ALG10B: variants seen among roughly 807,000 people sequenced by gnomAD.
ALG10B encodes ALG10 alpha-1,2-glucosyltransferase B, also known as dol-P-Glc:Glc(2)Man(9)GlcNAc(2)-PP-Dol alpha-1,2-glucosyltransferase B.
A neutral mutation model predicts 38.7 loss-of-function variants in ALG10B; 27 were observed. That is an observed-to-expected ratio of 0.70 (90% CI 0.51 to 0.96). The LOEUF is 0.96. Ranked by LOEUF, ALG10B falls within the 40% of genes least tolerant of loss-of-function variation. The pLI, the probability that ALG10B is intolerant of heterozygous loss-of-function variation, is 0.00. For missense variants in ALG10B, 522 were observed against 542.7 expected (o/e 0.96, Z 0.38); for synonymous variants, 177 against 193.3 (o/e 0.92, Z 0.70).
chr12:38,319,295 G>C (rs2120487646), intron 2 of ALG10B, among the ~76,000 whole-genome samples: 1 of 152,166 alleles, frequency 6.6e-6, no homozygotes, highest in South Asian at 2.1e-4. Context: ...ATTAATCCTG[G>C]GGAGACAAAC....
rs1230248691 is a variant in ALG10B at position 38,321,399 on chromosome 12, T to C, written c.*186T>C. On this transcript the variant is annotated 3_prime_UTR_variant, in exon 3 of 3. Coordinates refer to ENST00000308742, the MANE Select transcript of ALG10B (RefSeq NM_001013620.4). ...TTAAGTGGCAAAGAACTGGGAAAGC[T>C]TAAGACCTGCTTCAAAAGCCTGAAT... The C allele has an allele frequency of 1.9e-6, 1 of 522,902 alleles. No individual in the cohort carries two copies. The highest frequency in any genetic ancestry group is 2.0e-5 in the African/African-American group (1 of 50,962). 32.4% of individuals were successfully genotyped at this position (522,902 alleles called of 1,614,324 possible). A position where few individuals can be genotyped will look rare whatever the true frequency, so the allele number is the denominator to read the frequency against.
rs145570686 is a variant in ALG10B, at chr12:38,320,559, C to T, written c.768C>T (p.Pro256=). 3.7e-6 allele frequency: 6 copies of T among 1,613,968 alleles called. No individual in the cohort carries two copies. The highest frequency in any genetic ancestry group is 5.1e-6 in the Non-Finnish European group (6 of 1,180,000). The change falls in exon 3 of 3, where the codon CCC becomes CCT. Residue 256 remains proline, a synonymous_variant. Coordinates refer to ENST00000308742, the MANE Select transcript of ALG10B (RefSeq NM_001013620.4). ...NLSMLFCLTW[P]YILLGFLFCA... is the part of the protein sequence containing the mutation. ...GTATGCTTTTCTGTTTGACTTGGCCCTACATCCTTCTGGGATTTCTGTTTT... is the reference window on the plus strand; with the variant it reads ...GTATGCTTTTCTGTTTGACTTGGCCTTACATCCTTCTGGGATTTCTGTTTT...
Position 38,316,951 on chromosome 12 carries a change from T to C in ALG10B, c.58T>C (p.Ser20Pro). The stretch of plus-strand genomic sequence containing the variant: ...CGCCTTGAGCTGTACCTTTTTAGTG[T>C]CCTGCCTCCTCTTCTCCGCCTTCAG... ...SAALSCTFLV[S>P]CLLFSAFSRA... is the part of the protein sequence containing the mutation. Residue 20 changes from serine (S) to proline (P), a missense_variant, in exon 1 of 3, where the codon TCC becomes CCC. Transcript: ENST00000308742. 6.8e-6 allele frequency: 11 copies of C among 1,614,146 alleles called. No individual in the cohort carries two copies. Among genetic ancestry groups the C allele is most frequent in the Non-Finnish European group, 9.3e-6 (11 of 1,180,022 alleles).
At position 38,320,279 on chromosome 12, in the gene ALG10B, C is replaced by A. The variant is rs774299823; in HGVS notation, c.488C>A (p.Ala163Glu). ...EAGSMFFTLF[A>E]YLMCLYGNHK... ...GGATCTATGTTTTTTACTCTTTTTGCATATTTGATGTGTCTTTATGGAAAT... is the reference window on the plus strand; with the variant it reads ...GGATCTATGTTTTTTACTCTTTTTGAATATTTGATGTGTCTTTATGGAAAT... The change falls in exon 3 of 3, where the codon GCA becomes GAA. Residue 163 changes from alanine (A) to glutamate (E), a missense_variant. Coordinates refer to ENST00000308742, the MANE Select transcript of ALG10B (RefSeq NM_001013620.4). 3 of 1,613,892 alleles carry A rather than the reference C, an allele frequency of 1.9e-6. No individual in the cohort carries two copies. Among genetic ancestry groups the A allele is most frequent in the Non-Finnish European group, 2.5e-6 (3 of 1,179,938 alleles).
At position 38,326,710 on chromosome 12, in the gene ALG10B, G is replaced by A. The variant is rs1565606571; in HGVS notation, c.*5497G>A. 3 of 151,326 alleles carry A rather than the reference G, an allele frequency of 2.0e-5. No homozygotes were observed. Among genetic ancestry groups the A allele is most frequent in the South Asian group, 2.1e-4 (1 of 4,792 alleles). 9.4% of individuals were successfully genotyped at this position (151,326 alleles called of 1,614,324 possible). A position where few individuals can be genotyped will look rare whatever the true frequency, so the allele number is the denominator to read the frequency against. On this transcript the variant is annotated 3_prime_UTR_variant, in exon 3 of 3. Coordinates refer to ENST00000308742, the MANE Select transcript of ALG10B (RefSeq NM_001013620.4). The stretch of plus-strand genomic sequence containing the variant: ...AGCTGTTAATTATTTTTTATATAGG[G>A]CATTTTTATGTATTTAATGTTGACA...
Position 38,320,643 on chromosome 12 carries a change from C to G in ALG10B, c.852C>G (p.Ala284=). 6.2e-7 allele frequency: 1 copy of G among 1,613,732 alleles called. No homozygotes were observed. The highest frequency in any genetic ancestry group is 8.5e-7 in the Non-Finnish European group (1 of 1,179,776). The change falls in exon 3 of 3, where the codon GCC becomes GCG. Residue 284 remains alanine, a synonymous_variant. Transcript: ENST00000308742. ...TTGGCGATCGGAGTAGTCATGAAGC[C>G]TGTCTTCATTTTCCTCAACTATTCT... The part of the protein sequence containing the change: ...IVIGDRSSHE[A]CLHFPQLFYF...
Position 38,328,252 on chromosome 12 carries a change from T to C in ALG10B, c.*7039T>C, listed in dbSNP as rs1945762581. ...TATTTCTGATGACTTACATGCTGTC[T>C]TTGGTATATTTTAAGTTTCTAAACC... On this transcript the variant is annotated 3_prime_UTR_variant, in exon 3 of 3. Transcript: ENST00000308742. 1 of 152,220 alleles carries C rather than the reference T, an allele frequency of 6.6e-6. No individual in the cohort carries two copies. The highest frequency in any genetic ancestry group is 2.1e-4 in the South Asian group (1 of 4,832). The allele number at this position is 152,220 out of a possible 1,614,324, so 9.4% of individuals were successfully genotyped here.
intron 1 of ALG10B, 199 bp from the exon 2 acceptor site, chr12:38,318,062 T>C: frequency 1.6e-6 from 1 of 629,026 alleles, no homozygotes; most frequent in Middle Eastern, 2.8e-4. Flanking sequence ...TGCTGCTACC[T>C]GAACCATCAC....
Position 38,320,919 on chromosome 12 carries a change from C to G in ALG10B, c.1128C>G (p.Ala376=), listed in dbSNP as rs763672694. 1.2e-6 allele frequency: 2 copies of G among 1,613,706 alleles called. No individual in the cohort carries two copies. The highest frequency in any genetic ancestry group is 1.7e-6 in the Non-Finnish European group (2 of 1,179,858). The change falls in exon 3 of 3, where the codon GCC becomes GCG. Residue 376 remains alanine, a synonymous_variant. Coordinates refer to ENST00000308742, the MANE Select transcript of ALG10B (RefSeq NM_001013620.4). Reference sequence around the variant, plus strand: ...TTCTGAAATATTTGTTAGTTCCAGCCTATATATTTGCTGGTTGGAGTATAG... The same window carrying G: ...TTCTGAAATATTTGTTAGTTCCAGCGTATATATTTGCTGGTTGGAGTATAG... ...YAILKYLLVP[A]YIFAGWSIAD... is the part of the protein sequence containing the mutation.
intron 2 of ALG10B, among the ~76,000 whole-genome samples, chr12:38,319,397 A>T (rs186021439): frequency 2.6e-3 from 403 of 152,316 alleles, no homozygotes; most frequent in Middle Eastern, 0.01. Flanking sequence ...ATGTAAGGCT[A>T]GAGAAGTAGG....
chr12:38,320,232 C>A lies in ALG10B; in HGVS notation c.441C>A (p.Asn147Lys), dbSNP rs569115371. The part of the protein sequence containing the change: ...LAVFPTLYFF[N>K]FLYYTEAGSM... ...TATTTCCAACACTTTATTTTTTTAA[C>A]TTCCTTTATTATACAGAAGCAGGAT... The change falls in exon 3 of 3, where the codon AAC (asparagine) becomes AAA (lysine). Residue 147 changes from asparagine to lysine, a missense_variant. Physicochemically the swap from Asn to Lys is moderately conservative, Grantham distance 94. Transcript: ENST00000308742. The A allele has an allele frequency of 3.1e-5, 50 of 1,613,916 alleles. 2 individuals carry two copies. In the South Asian group the frequency reaches 4.8e-4, roughly 16 times the overall value.
At chr12:38,316,764 C>G (rs567831127), upstream of ALG10B, 64 of 1,504,994 alleles carry the variant, frequency 4.3e-5, no homozygotes, top group African/African-American at 1.9e-4. Flanking sequence ...CATCCTTTGC[C>G]TTCCGGTATG....
chr12:38,323,832 G>T lies in ALG10B; in HGVS notation c.*2619G>T. The T allele has an allele frequency of 1.4e-6, 1 of 697,282 alleles. No individual in the cohort carries two copies. The highest frequency in any genetic ancestry group is 1.5e-5 in the South Asian group (1 of 66,344). The allele number at this position is 697,282 out of a possible 1,614,324, so 43.2% of individuals were successfully genotyped here. ...TATAGTGGAGAACTAAATCTGGGAAGTCAAAATTGAAAAAAGAATGTGTAA... is the reference window on the plus strand; with the variant it reads ...TATAGTGGAGAACTAAATCTGGGAATTCAAAATTGAAAAAAGAATGTGTAA... On this transcript the variant is annotated 3_prime_UTR_variant, in exon 3 of 3. Transcript: ENST00000308742.
At position 38,316,877 on chromosome 12, in the gene ALG10B, T is replaced by C; in HGVS notation, c.-17T>C. On this transcript the variant is annotated 5_prime_UTR_variant, in exon 1 of 3. Coordinates refer to ENST00000308742, the MANE Select transcript of ALG10B (RefSeq NM_001013620.4). ...TTTCCAGGAGTGGGTTCTTGGGCAG[T>C]GGCTGTGGGAGCAGGAATGGCGCAG... 6.2e-7 allele frequency: 1 copy of C among 1,614,078 alleles called. No homozygotes were observed. Among genetic ancestry groups the C allele is most frequent in the Non-Finnish European group, 8.5e-7 (1 of 1,179,976 alleles).
At chr12:38,317,250 G>T (rs1177459930) in intron 1 of ALG10B, 186 bp downstream of exon 1, 2 of 838,018 alleles carry the variant, frequency 2.4e-6, no homozygotes, top group Admixed American at 5.8e-5. Flanking sequence ...TTAAATGAAT[G>T]AATAAACAGC....
intron 1 of ALG10B, chr12:38,317,856 G>A (rs7955162): frequency 0.44 from 127,002 of 288,500 alleles, 28,696 homozygotes; most frequent in East Asian, 0.58. Flanking sequence ...AGAGGGTTTG[G>A]CACAATTTCT....
chr12:38,320,793 G>T lies in ALG10B; in HGVS notation c.1002G>T (p.Val334=). The change falls in exon 3 of 3, where the codon GTG becomes GTT. Residue 334 remains valine (V), a synonymous_variant. Coordinates refer to ENST00000308742, the MANE Select transcript of ALG10B (RefSeq NM_001013620.4). ...TTTTGGTGGTTACCTTAGTCTCTGT[G>T]TTTTTAGTTTGGAAATTCACTTATG... ...ILFLVVTLVS[V]FLVWKFTYAH... is the part of the protein sequence containing the mutation. 1 of 1,613,788 alleles carries T rather than the reference G, an allele frequency of 6.2e-7. No homozygotes were observed. The highest frequency in any genetic ancestry group is 8.5e-7 in the Non-Finnish European group (1 of 1,179,892).
In ALG10B at chr12:38,323,844, A is replaced by G; in HGVS notation, c.*2631A>G. 1 of 698,100 alleles carries G rather than the reference A, an allele frequency of 1.4e-6. No homozygotes were observed. The highest frequency in any genetic ancestry group is 2.6e-6 in the Non-Finnish European group (1 of 383,610). The allele number at this position is 698,100 out of a possible 1,614,324, so 43.2% of individuals were successfully genotyped here. A position where few individuals can be genotyped will look rare whatever the true frequency, so the allele number is the denominator to read the frequency against. On this transcript the variant is annotated 3_prime_UTR_variant, in exon 3 of 3. Coordinates refer to ENST00000308742, the MANE Select transcript of ALG10B (RefSeq NM_001013620.4). ...CTAAATCTGGGAAGTCAAAATTGAA[A>G]AAAGAATGTGTAATTTAGGGAAAGT...
chr12:38,318,290 C>T lies in ALG10B; in HGVS notation c.201C>T (p.Gly67=). The change falls in exon 2 of 3, where the codon GGC becomes GGT. Residue 67 remains glycine, a synonymous_variant. Coordinates refer to ENST00000308742, the MANE Select transcript of ALG10B (RefSeq NM_001013620.4). ...ATCCCATGATTACTACATTACCTGG[C>T]TTGTACCTGGTGTCAGTTGGAGTGG... ...QWDPMITTLP[G]LYLVSVGVVK... 3 of 1,614,140 alleles carry T rather than the reference C, an allele frequency of 1.9e-6. No individual in the cohort carries two copies. Among genetic ancestry groups the T allele is most frequent in the Non-Finnish European group, 2.5e-6 (3 of 1,179,996 alleles).
Sources: allele counts gnomAD v4.1 joint callset (sites outside exome capture counted in the v4.1 genomes callset), GRCh38; gene constraint gnomAD v4.1.1; transcripts MANE v1.5; gene names NCBI Gene and HGNC (gene_info 2026-07-23, HGNC 2026-07-21).